The following CACNA1I variants were observed in gnomAD, a reference collection of about 807,000 sequenced individuals.
CACNA1I encodes calcium voltage-gated channel subunit alpha1 I.
Under a neutral mutation model 201.6 loss-of-function variants are expected in CACNA1I, and 74 were observed. The observed-to-expected ratio is 0.37, with a 90% CI of 0.30 to 0.45. CACNA1I has a LOEUF of 0.45. Ranked by LOEUF, CACNA1I falls within the 20% of genes least tolerant of loss-of-function variation. CACNA1I has a pLI of 1.00. For missense variants in CACNA1I, 2,346 were observed against 3,138.1 expected (o/e 0.75, Z 6.03); for synonymous variants, 1,431 against 1,345.2 (o/e 1.06, Z -1.40).
At chr22:39,599,691 T>A (rs1932982619) in intron 2 of CACNA1I, among the ~76,000 whole-genome samples, 1 of 150,326 alleles carries the variant, frequency 6.7e-6, no homozygotes, top group Non-Finnish European at 1.5e-5. Flanking sequence ...AAGCAGAATT[T>A]CTGGGTGGGT....
At chr22:39,617,794 T>TC (rs1488375629) in intron 3 of CACNA1I, among the ~76,000 whole-genome samples, 1 of 9,988 alleles carries the variant, frequency 1.0e-4, no homozygotes, top group Admixed American at 1.1e-3. Context: ...TCCCGGCCCC[T>TC]CCCCCAACCC....
chr22:39,591,999 TCCC>T (rs1448503390), intron 1 of CACNA1I, among the ~76,000 whole-genome samples: 2 of 152,170 alleles, frequency 1.3e-5, no homozygotes, highest in African/African-American at 4.8e-5. Flanking sequence ...GCACATTCAT[TCCC>T]CCTGCTCAGC....
In CACNA1I at chr22:39,577,227, G is replaced by A. The variant is rs189283508; in HGVS notation, c.236+6239G>A. ...TTTTTGAATTTTTAATAAGAGACGG[G>A]GTTTCACCATTTTAGCCAGGCTGGT... On this transcript the variant is annotated intron_variant, in intron 1 of 36. Coordinates refer to ENST00000402142, the MANE Select transcript of CACNA1I (RefSeq NM_021096.4). Among the ~76,000 whole-genome samples the A allele has an allele frequency of 6.6e-5, 10 of 152,290 alleles. No homozygotes were observed. In the East Asian group the frequency reaches 1.9e-3, roughly 29 times the overall value.
intron 1 of CACNA1I, among the ~76,000 whole-genome samples, chr22:39,582,018 G>A (rs1157791222): frequency 1.3e-5 from 2 of 152,212 alleles, no homozygotes; most frequent in African/African-American, 2.4e-5. Context: ...TGTGCTGTGC[G>A]AATGTGAAGG....
At chr22:39,627,870 G>A (rs762192337) in intron 4 of CACNA1I, among the ~76,000 whole-genome samples, 2 of 151,852 alleles carry the variant, frequency 1.3e-5, no homozygotes, top group East Asian at 1.9e-4. Flanking sequence ...GAGAGGGAAG[G>A]AGGGAGAGAA....
chr22:39,627,719 G>C (rs1933939563), intron 4 of CACNA1I, among the ~76,000 whole-genome samples: 2 of 152,370 alleles, frequency 1.3e-5, no homozygotes, highest in South Asian at 4.1e-4. Flanking sequence ...TCGGCTTGGG[G>C]AGAGCAGAAG....
intron 4 of CACNA1I, among the ~76,000 whole-genome samples, chr22:39,633,581 A>G (rs2146411166): frequency 6.6e-6 from 1 of 152,348 alleles, no homozygotes; most frequent in Non-Finnish European, 1.5e-5. Flanking sequence ...AGAAGAGAGG[A>G]GCAAGGGTGT....
chr22:39,610,507 C>T (rs1376074244), intron 3 of CACNA1I, among the ~76,000 whole-genome samples: 2 of 152,086 alleles, frequency 1.3e-5, no homozygotes, highest in African/African-American at 4.8e-5. Context: ...TGGTAGCTGC[C>T]ATGTGTGATG....
chr22:39,585,727 G>GGT (rs1932730672), intron 1 of CACNA1I, among the ~76,000 whole-genome samples: 3 of 83,906 alleles, frequency 3.6e-5, no homozygotes, highest in Non-Finnish European at 2.0e-5. Context: ...AACTTTTAAA[G>GGT]TTTTTTTTTT....
intron 8 of CACNA1I, among the ~76,000 whole-genome samples, chr22:39,647,614 A>G (rs913005089): frequency 2.0e-5 from 3 of 151,904 alleles, no homozygotes; most frequent in Admixed American, 1.3e-4. Flanking sequence ...GGGTCTCCCT[A>G]TGTTGCCCAG....
chr22:39,616,011 G>T (rs917769060), intron 3 of CACNA1I, among the ~76,000 whole-genome samples: 9 of 152,310 alleles, frequency 5.9e-5, no homozygotes, highest in African/African-American at 1.9e-4. Flanking sequence ...TTTCACCGGG[G>T]TCTGAGGGCT....
Position 39,665,405 on chromosome 22 carries a change from G to C in CACNA1I, c.3852-93G>C, listed in dbSNP as rs1935155488. 12 of 1,480,796 alleles carry C rather than the reference G, an allele frequency of 8.1e-6. No homozygotes were observed. Among genetic ancestry groups the C allele is most frequent in the Non-Finnish European group, 1.1e-5 (12 of 1,085,424 alleles). The allele number at this position is 1,480,796 out of a possible 1,614,324, so 91.7% of individuals were successfully genotyped here. A position where few individuals can be genotyped will look rare whatever the true frequency, so the allele number is the denominator to read the frequency against. ...GGTGAGCCCTGGGGACTCATGCCCTGGGATACTCAGCCCTGGTGACTCTGG... is the reference window on the plus strand; with the variant it reads ...GGTGAGCCCTGGGGACTCATGCCCTCGGATACTCAGCCCTGGTGACTCTGG... On this transcript the variant is annotated intron_variant, in intron 21 of 36. Coordinates refer to ENST00000402142, the MANE Select transcript of CACNA1I (RefSeq NM_021096.4). The surrounding 1 kb of genome is among the most constrained non-coding windows in gnomAD (Gnocchi z 5.5).
intron 7 of CACNA1I, among the ~76,000 whole-genome samples, chr22:39,643,798 G>A (rs1203774502): frequency 3.3e-5 from 5 of 152,226 alleles, no homozygotes; most frequent in Admixed American, 3.3e-4. Flanking sequence ...AGAGGGGCCA[G>A]ATTTTATTCA....
intron 4 of CACNA1I, among the ~76,000 whole-genome samples, chr22:39,634,302 G>A (rs1424581864): frequency 6.6e-6 from 1 of 152,166 alleles, no homozygotes; most frequent in Admixed American, 6.5e-5. Flanking sequence ...TACATAAAAG[G>A]TGCTGCATAA....
Position 39,686,062 on chromosome 22 carries a change from G to T in CACNA1I, c.6329G>T (p.Gly2110Val). The change falls in exon 37 of 37, where the codon GGC becomes GTC. Residue 2110 changes from glycine to valine, a missense_variant. This residue lies in a region of CACNA1I where 441 missense variants were observed against 555.6 expected (regional missense o/e 0.79). Transcript: ENST00000402142. ...HDSMDPSDEE[G>V]RGGAGGGGAG... ...TCCATGGACCCCTCGGACGAGGAGG[G>T]CCGCGGTGGCGCGGGCGGCGGGGGC... 8.1e-7 allele frequency: 1 copy of T among 1,237,100 alleles called. No homozygotes were observed. Among genetic ancestry groups the T allele is most frequent in the Non-Finnish European group, 1.0e-6 (1 of 993,982 alleles). 76.6% of individuals were successfully genotyped at this position (1,237,100 alleles called of 1,614,324 possible).
chr22:39,614,544 A>G (rs1933475105), intron 3 of CACNA1I, among the ~76,000 whole-genome samples: 1 of 152,190 alleles, frequency 6.6e-6, no homozygotes, highest in Non-Finnish European at 1.5e-5. Context: ...TTAGCCAGGG[A>G]GAAGGGCTCT....
chr22:39,670,343 C>T (rs1404332905), intron 25 of CACNA1I, 113 bp downstream of exon 25: 5 of 1,101,544 alleles, frequency 4.5e-6, no homozygotes, highest in African/African-American at 1.6e-5. Context: ...GATACAGCCC[C>T]TGTGCCCAGG....
rs149815762 is a variant in CACNA1I at position 39,629,091 on chromosome 22, C to G, written c.581-5474C>G. On this transcript the variant is annotated intron_variant, in intron 4 of 36. Transcript: ENST00000402142. The surrounding 1 kb of genome is among the most constrained non-coding windows in gnomAD (Gnocchi z 4.8). ...GCCCAGGTTCTCTCAAGCAGAGGCT[C>G]TAGCCTAGGGGTCCCCAAAAAGGGT... Among the ~76,000 whole-genome samples, 1,155 of 152,268 alleles carry G rather than the reference C, an allele frequency of 7.6e-3. 5 individuals are homozygous for G. Among genetic ancestry groups the G allele is most frequent in the Non-Finnish European group, 0.012 (790 of 67,998 alleles).
rs187464629 is a variant in CACNA1I at position 39,635,459 on chromosome 22, G to A, written c.740+735G>A. ...GACCGAGGTGACTGTAGGAAGCGTG[G>A]GGACGTGGGGACACTGTACAGGTGA... On this transcript the variant is annotated intron_variant, in intron 5 of 36. Transcript: ENST00000402142. Among the ~76,000 whole-genome samples, 3 of 152,234 alleles carry A rather than the reference G, an allele frequency of 2.0e-5. No homozygotes were observed. The East Asian group carries it at 5.8e-4, about 29-fold the overall frequency.
Sources: gnomAD v4.1 joint callset for allele counts (sites outside exome capture counted in the v4.1 genomes callset) on GRCh38, gnomAD v4.1.1 for gene constraint, gnomAD v4.1.1 regional missense constraint, Gnocchi (gnomAD v3.1) non-coding constraint, MANE v1.5 for transcripts, NCBI Gene and HGNC (gene_info 2026-07-23, HGNC 2026-07-21) for gene names.